EPHA6: variants seen among roughly 807,000 people sequenced by gnomAD.
The protein encoded by EPHA6 is ephrin type-A receptor 6.
Under a neutral mutation model 112.0 loss-of-function variants are expected in EPHA6, and 50 were observed. The observed-to-expected ratio is 0.45, with a 90% CI of 0.36 to 0.56. The LOEUF is 0.56. Ranked by LOEUF, EPHA6 falls within the 20% of genes least tolerant of loss-of-function variation. EPHA6 has a pLI of 0.00. For synonymous variants in EPHA6, 529 were observed against 490.7 expected (o/e 1.08, Z -1.03); for missense variants, 1,280 against 1,417.4 (o/e 0.90, Z 1.56).
At chr3:97,654,255 T>A (rs2094124431) in intron 14 of EPHA6, among the ~76,000 whole-genome samples, 1 of 151,874 alleles carries the variant, frequency 6.6e-6, no homozygotes, top group Non-Finnish European at 1.5e-5. Context: ...TATAGATAAT[T>A]TTTTGTCAGT....
At position 97,657,369 on chromosome 3, in the gene EPHA6, G is replaced by C. The variant is rs370317032; in HGVS notation, c.2784+19287G>C. On this transcript the variant is annotated intron_variant, in intron 14 of 17. Transcript: ENST00000389672. ...AAGTAAAAACTAACAAAGAAGTCAAGGAATAAACTATTATACCTTCATCTC... is the reference window on the plus strand; with the variant it reads ...AAGTAAAAACTAACAAAGAAGTCAACGAATAAACTATTATACCTTCATCTC... Among the ~76,000 whole-genome samples, 14 of 151,862 alleles carry C rather than the reference G, an allele frequency of 9.2e-5. No homozygotes were observed. The South Asian group carries it at 2.7e-3, about 29-fold the overall frequency.
At chr3:97,221,235 G>C (rs2108533580) in intron 3 of EPHA6, among the ~76,000 whole-genome samples, 1 of 146,238 alleles carries the variant, frequency 6.8e-6, no homozygotes, top group East Asian at 2.0e-4. Flanking sequence ...GCTTGAACCA[G>C]GGAGTTGAAG....
At chr3:97,220,804 G>T (rs2078172270) in intron 3 of EPHA6, among the ~76,000 whole-genome samples, 1 of 152,020 alleles carries the variant, frequency 6.6e-6, no homozygotes, top group Non-Finnish European at 1.5e-5. Flanking sequence ...GCAGTGGTCT[G>T]GTTTTGCAAA....
chr3:96,815,698 G>C (rs1457917309), intron 1 of EPHA6, among the ~76,000 whole-genome samples: 1 of 152,112 alleles, frequency 6.6e-6, no homozygotes, highest in Admixed American at 6.5e-5. Context: ...TTGTTTCGGT[G>C]GGTAAAGTGG....
chr3:97,258,467 G>T (rs1576787726), intron 5 of EPHA6, among the ~76,000 whole-genome samples: 1 of 152,082 alleles, frequency 6.6e-6, no homozygotes, highest in East Asian at 1.9e-4. Flanking sequence ...GTGTTCAGTT[G>T]TGCAAACCTA....
rs2036092531 is a variant in EPHA6, at chr3:97,759,006, T to G, written c.*10305T>G. 6.6e-6 allele frequency among the ~76,000 whole-genome samples: 1 copy of G among 151,998 alleles called. No individual in the cohort carries two copies. Among genetic ancestry groups the G allele is most frequent in the Non-Finnish European group, 1.5e-5 (1 of 67,906 alleles). On this transcript the variant is annotated 3_prime_UTR_variant, in exon 18 of 18. Coordinates refer to ENST00000389672, the MANE Select transcript of EPHA6 (RefSeq NM_001080448.3). ...ATCAGTATATATATGCTATTTAAAG[T>G]TTGGAAATCACCTAGGAAAAGCCTG...
chr3:97,157,678 G>A (rs534506100), intron 3 of EPHA6, among the ~76,000 whole-genome samples: 14 of 152,194 alleles, frequency 9.2e-5, no homozygotes, highest in African/African-American at 3.4e-4. Context: ...CTCAAGACCC[G>A]AGAGGAGCTG....
intron 3 of EPHA6, among the ~76,000 whole-genome samples, chr3:97,030,065 G>T (rs2044773200): frequency 6.6e-6 from 1 of 152,068 alleles, no homozygotes; most frequent in South Asian, 2.1e-4. Context: ...TTCTGAGTAG[G>T]TTATTCTAGT....
chr3:97,461,885 A>C (rs2090900006), intron 7 of EPHA6, among the ~76,000 whole-genome samples: 1 of 152,190 alleles, frequency 6.6e-6, no homozygotes, highest in Non-Finnish European at 1.5e-5. Context: ...TGAGCACAGC[A>C]GGCAAGTCAG....
intron 2 of EPHA6, among the ~76,000 whole-genome samples, chr3:96,976,897 G>C (rs1461222507): frequency 1.3e-5 from 2 of 152,180 alleles, no homozygotes; most frequent in African/African-American, 4.8e-5. Flanking sequence ...GATGTACTGT[G>C]ACACTGGTGT....
In EPHA6 at chr3:97,448,645, C is replaced by G. The variant is rs1033811861; in HGVS notation, c.1809C>G (p.Thr603=). 6.2e-7 allele frequency: 1 copy of G among 1,613,446 alleles called. No individual in the cohort carries two copies. Among genetic ancestry groups the G allele is most frequent in the Non-Finnish European group, 8.5e-7 (1 of 1,179,616 alleles). The part of the protein sequence containing the change: ...SVIITGLKPA[T]KYVFHIRVRT... ...TCATCACAGGTCTTAAGCCAGCCACCAAATATGTATTTCACATCCGAGTGA... is the reference window on the plus strand; with the variant it reads ...TCATCACAGGTCTTAAGCCAGCCACGAAATATGTATTTCACATCCGAGTGA... Residue 603 remains threonine (T), a synonymous_variant, in exon 7 of 18, where the codon ACC becomes ACG. Coordinates refer to ENST00000389672, the MANE Select transcript of EPHA6 (RefSeq NM_001080448.3).
At chr3:96,962,633 A>C (rs1397810684) in intron 2 of EPHA6, among the ~76,000 whole-genome samples, 1 of 150,668 alleles carries the variant, frequency 6.6e-6, no homozygotes, top group Non-Finnish European at 1.5e-5. Flanking sequence ...TGTCCCTTTT[A>C]AGCTTAATTT....
At chr3:97,544,437 G>T (rs1275909817) in intron 11 of EPHA6, among the ~76,000 whole-genome samples, 3 of 152,206 alleles carry the variant, frequency 2.0e-5, no homozygotes, top group African/African-American at 7.2e-5. Context: ...TCCCACGGAT[G>T]AAGCCCACTT....
chr3:97,336,305 G>T (rs139633552), intron 5 of EPHA6, among the ~76,000 whole-genome samples: 3 of 152,250 alleles, frequency 2.0e-5, no homozygotes, highest in East Asian at 1.9e-4. Context: ...CAGCTTGGAG[G>T]TTAGAAAAAA....
chr3:97,349,098 C>T (rs1365594936), intron 5 of EPHA6, among the ~76,000 whole-genome samples: 1 of 152,016 alleles, frequency 6.6e-6, no homozygotes, highest in African/African-American at 2.4e-5. Context: ...TATTTCCTAT[C>T]ACTGCTTCAT....
chr3:96,982,581 C>A (rs1417934502), intron 2 of EPHA6, among the ~76,000 whole-genome samples: 1 of 152,056 alleles, frequency 6.6e-6, no homozygotes, highest in South Asian at 2.1e-4. Flanking sequence ...CCGCTTGGTG[C>A]AGAGCTGAGT....
chr3:96,978,550 A>G (rs1011451628), intron 2 of EPHA6, among the ~76,000 whole-genome samples: 1 of 152,176 alleles, frequency 6.6e-6, no homozygotes. Flanking sequence ...AAATTTGTAT[A>G]TCAATATATA....
chr3:97,640,065 T>G (rs927867526), intron 14 of EPHA6, among the ~76,000 whole-genome samples: 1 of 152,172 alleles, frequency 6.6e-6, no homozygotes, highest in Admixed American at 6.5e-5. Flanking sequence ...GACTTTATAC[T>G]TTCACAGGTT....
chr3:97,128,885 T>TG (rs11399427), intron 3 of EPHA6, among the ~76,000 whole-genome samples: 1,985 of 149,248 alleles, frequency 0.013, 69 homozygotes, highest in African/African-American at 0.047. Flanking sequence ...TTTTTTTTTT[T>TG]TTTTTTGAGA....
Sources: allele counts gnomAD v4.1 joint callset (sites outside exome capture counted in the v4.1 genomes callset), GRCh38; gene constraint gnomAD v4.1.1; transcripts MANE v1.5; gene names NCBI Gene and HGNC (gene_info 2026-07-23, HGNC 2026-07-21).